The following CBLC variants were observed in gnomAD, a reference collection of about 807,000 sequenced individuals.
The protein encoded by CBLC is E3 ubiquitin-protein ligase CBL-C.
Under a neutral mutation model 58.6 loss-of-function variants are expected in CBLC, and 46 were observed. The ratio of observed to expected loss-of-function variants is 0.79; its 90% confidence interval spans 0.62 to 1.00. The LOEUF (loss-of-function observed/expected upper bound fraction) is 1.00. Among genes scored for constraint, CBLC ranks in the 50% least tolerant of loss-of-function variants. The pLI, the probability that CBLC is intolerant of heterozygous loss-of-function variation, is 0.00. For synonymous variants in CBLC, 271 were observed against 264.2 expected, an observed-to-expected ratio of 1.03 and a Z score of -0.25; for missense variants, 655 against 625.8, an observed-to-expected ratio of 1.05 and a Z score of -0.50.
chr19:44,792,331 C>G, intron 6 of CBLC, 52 bp from the exon 7 acceptor site: 1 of 1,603,998 alleles, frequency 6.2e-7, no homozygotes, highest in Non-Finnish European at 8.5e-7. Context: ...AAGTTGTGTC[C>G]CCGTGGCTGA....
intron 5 of CBLC, among the ~76,000 whole-genome samples, chr19:44,785,875 C>T (rs1036249752): frequency 3.6e-4 from 55 of 151,764 alleles, no homozygotes; most frequent in Admixed American, 3.4e-3. Context: ...GTGGAGGTTT[C>T]GGTGAGCTGA....
At chr19:44,787,105 A>C (rs1190440700) in intron 5 of CBLC, among the ~76,000 whole-genome samples, 1 of 151,908 alleles carries the variant, frequency 6.6e-6, no homozygotes, top group Non-Finnish European at 1.5e-5. Context: ...AAATAAAGTC[A>C]ATCATAAGCT....
intron 4 of CBLC, 131 bp downstream of exon 4, chr19:44,782,622 T>TA: frequency 4.3e-6 from 3 of 703,514 alleles, no homozygotes; most frequent in South Asian, 3.8e-5. Flanking sequence ...AGAGAGTTGA[T>TA]AACTCAGAGG....
intron 6 of CBLC, 24 bp from the exon 7 acceptor site, chr19:44,792,359 C>T (rs1968074717): frequency 3.1e-6 from 5 of 1,612,198 alleles, no homozygotes; most frequent in Non-Finnish European, 4.2e-6. Context: ...CCCTCGCTGT[C>T]TTCTCTATCC....
intron 5 of CBLC, among the ~76,000 whole-genome samples, chr19:44,788,853 G>C (rs1967976130): frequency 6.6e-6 from 1 of 152,066 alleles, no homozygotes; most frequent in Non-Finnish European, 1.5e-5. Flanking sequence ...GCATGATCAT[G>C]TCCATGTTAC....
chr19:44,783,509 CAA>C (rs111548258), intron 4 of CBLC, among the ~76,000 whole-genome samples: 8 of 124,388 alleles, frequency 6.4e-5, no homozygotes, highest in African/African-American at 3.0e-5. Context: ...AACTCCATCT[CAA>C]AAAAAAAAAA....
rs996021174 is a variant in CBLC at position 44,778,231 on chromosome 19, C to A, written c.300C>A (p.Pro100=). ...GGCAGGTGGCCGCGCTGCTGCCTCC[C>A]CGGGGCCGAAGGAGTGCCAACGACG... is the stretch of plus-strand genomic sequence containing the variant. ...KSRQVAALLP[P]RGRRSANDEL... is the part of the protein sequence containing the mutation. Residue 100 remains proline, a synonymous_variant, in exon 1 of 11, where the codon CCC becomes CCA. Transcript: ENST00000647358. 1.3e-5 allele frequency: 19 copies of A among 1,464,532 alleles called. No individual in the cohort carries two copies. Among genetic ancestry groups the A allele is most frequent in the Non-Finnish European group, 1.7e-5 (19 of 1,109,704 alleles). 90.7% of individuals were successfully genotyped at this position (1,464,532 alleles called of 1,614,324 possible).
chr19:44,792,606 G>A, intron 7 of CBLC, 92 bp downstream of exon 7: 2 of 1,333,858 alleles, frequency 1.5e-6, no homozygotes, highest in South Asian at 1.6e-5. Flanking sequence ...TTGATCATAT[G>A]GGGAAACCGA....
At chr19:44,787,120 G>T (rs2965122) in intron 5 of CBLC, among the ~76,000 whole-genome samples, 1 of 151,868 alleles carries the variant, frequency 6.6e-6, no homozygotes, top group East Asian at 1.9e-4. Context: ...TAAGCTGGGC[G>T]CAGTGGCTCA....
chr19:44,796,911 TG>T (rs150146240), intron 9 of CBLC, among the ~76,000 whole-genome samples: 12,321 of 137,556 alleles, frequency 0.09, 574 homozygotes, highest in South Asian at 0.13. Flanking sequence ...AGCGGGGCGG[TG>T]GGGGGGAGGG....
chr19:44,784,432 T>C, intron 5 of CBLC, 31 bp downstream of exon 5: 1 of 1,539,298 alleles, frequency 6.5e-7, no homozygotes, highest in East Asian at 2.3e-5. Flanking sequence ...GAGGAGGGTG[T>C]CAGCAAAATC....
intron 6 of CBLC, among the ~76,000 whole-genome samples, chr19:44,791,967 A>C (rs946478397): frequency 9.3e-5 from 14 of 150,140 alleles, no homozygotes; most frequent in Non-Finnish European, 1.3e-4. Flanking sequence ...CAGCGCCAAG[A>C]TAGAGGAGGT....
Position 44,778,170 on chromosome 19 carries a change from T to C in CBLC, c.239T>C (p.Leu80Pro). The C allele has an allele frequency of 6.4e-7, 1 of 1,555,298 alleles. No individual in the cohort carries two copies. The highest frequency in any genetic ancestry group is 1.2e-5 in the South Asian group (1 of 85,112). ...PGGPGGSGDFLLIYLANLEAK... is the reference protein window; with the variant it reads ...PGGPGGSGDFPLIYLANLEAK... ...GGTCCCGGCGGCTCTGGGGACTTTC[T>C]ACTCATCTACCTGGCCAATCTGGAG... Residue 80 changes from leucine (L) to proline (P), a missense_variant, in exon 1 of 11, where the codon CTA (leucine) becomes CCA (proline). Transcript: ENST00000647358.
At position 44,781,041 on chromosome 19, in the gene CBLC, T is replaced by G. The variant is rs1967713309; in HGVS notation, c.490T>G (p.Cys164Gly). 3 of 1,612,378 alleles carry G rather than the reference T, an allele frequency of 1.9e-6. No homozygotes were observed. The highest frequency in any genetic ancestry group is 2.2e-5 in the South Asian group (2 of 90,974). Residue 164 changes from cysteine (C) to glycine (G), a missense_variant, in exon 2 of 11, where the codon TGC becomes GGC. Cys to Gly is a radical substitution (Grantham distance 159). Around this residue, in one of 3 missense-constraint regions of CBLC, gnomAD observed 280 missense variants for 237.2 expected, o/e 1.18. Transcript: ENST00000647358. ...APAHTFWRES[C>G]GARCVLPWAE... ...CGCCCACACCTTCTGGAGGGAAAGTTGCGGAGCCCGGTGAGTAAGCCCTTG... is the reference window on the plus strand; with the variant it reads ...CGCCCACACCTTCTGGAGGGAAAGTGGCGGAGCCCGGTGAGTAAGCCCTTG...
At chr19:44,779,346 T>G (rs2122378104) in intron 1 of CBLC, among the ~76,000 whole-genome samples, 1 of 152,222 alleles carries the variant, frequency 6.6e-6, no homozygotes, top group South Asian at 2.1e-4. Flanking sequence ...TCACGGTTTC[T>G]GCCTGGACTA....
In CBLC at chr19:44,781,323, T is replaced by G; in HGVS notation, c.617T>G (p.Val206Gly). Residue 206 changes from valine (V) to glycine (G), a missense_variant, in exon 3 of 11, where the codon GTG (valine) becomes GGG (glycine). Val to Gly is a moderately radical substitution (Grantham distance 109, BLOSUM62 -3). Around this residue, in one of 3 missense-constraint regions of CBLC, gnomAD observed 371 missense variants for 370.8 expected, o/e 1.00. Transcript: ENST00000647358. ...ATTGACCTCACCTGCAGCGGGCACG[T>G]GTCCATCTTCGAGTTCGACGTCTTC... ...TTIDLTCSGHVSIFEFDVFTR... is the reference protein window; with the variant it reads ...TTIDLTCSGHGSIFEFDVFTR... 1 of 1,612,850 alleles carries G rather than the reference T, an allele frequency of 6.2e-7. No homozygotes were observed. Among genetic ancestry groups the G allele is most frequent in the Non-Finnish European group, 8.5e-7 (1 of 1,180,004 alleles).
chr19:44,784,950 GTTTTTTTTTTTTTTTTTTTTTTTTTTT>G (rs58171575), intron 5 of CBLC, among the ~76,000 whole-genome samples: 1 of 34,356 alleles, frequency 2.9e-5, no homozygotes, highest in Non-Finnish European at 6.6e-5. Context: ...CTAGACAGGT[GTTTTTTTTTTTTTTTTTTTTTTTTTTT>G]TTTTTTTTTT....
intron 6 of CBLC, 102 bp from the exon 7 acceptor site, chr19:44,792,281 C>T (rs1170844868): frequency 7.2e-7 from 1 of 1,383,246 alleles, no homozygotes; most frequent in Non-Finnish European, 1.0e-6. Context: ...GCGTGAGCCA[C>T]CACAACCAGC....
chr19:44,780,875 G>T (rs750395712), intron 1 of CBLC, 30 bp from the exon 2 acceptor site: 1 of 1,604,622 alleles, frequency 6.2e-7, no homozygotes, highest in East Asian at 2.2e-5. Context: ...GAGCCCCAAG[G>T]ATAGCCAGAG....
Sources: allele counts gnomAD v4.1 joint callset (sites outside exome capture counted in the v4.1 genomes callset), GRCh38; gene constraint gnomAD v4.1.1; regional missense constraint gnomAD v4.1.1; transcripts MANE v1.5; gene names NCBI Gene and HGNC (gene_info 2026-07-23, HGNC 2026-07-21).